Variants in TOM1L2 observed in about 807,000 individuals in gnomAD.
TOM1L2 encodes TOM1-like protein 2.
A neutral mutation model predicts 67.9 loss-of-function variants in TOM1L2; 31 were observed. That is an observed-to-expected ratio of 0.46 (90% confidence interval 0.34 to 0.62). The LOEUF is 0.62. TOM1L2 is among the 20% of genes least tolerant of loss of function. The pLI is 0.01. For missense variants in TOM1L2, 606 were observed against 663.5 expected (o/e 0.91, Z 0.95); for synonymous variants, 256 against 254.0 (o/e 1.01, Z -0.07).
intron 1 of TOM1L2, among the ~76,000 whole-genome samples, chr17:17,934,987 G>C (rs755991564): frequency 6.6e-6 from 1 of 152,206 alleles, no homozygotes; most frequent in East Asian, 1.9e-4. Context: ...AGCAATTAGA[G>C]TGGAACTCAG....
intron 4 of TOM1L2, among the ~76,000 whole-genome samples, chr17:17,885,583 T>C (rs987193320): frequency 1.3e-5 from 2 of 151,926 alleles, no homozygotes; most frequent in African/African-American, 4.8e-5. Context: ...AGAGCAAAAA[T>C]TCAAGTAGAT....
In TOM1L2 at chr17:17,848,089, G is replaced by A. The variant is rs192167760; in HGVS notation, c.1376-306C>T. Among the ~76,000 whole-genome samples, 52 of 152,092 alleles carry A rather than the reference G, an allele frequency of 3.4e-4. No homozygotes were observed. The Middle Eastern group carries it at 0.014, about 40-fold the overall frequency. On this transcript the variant is annotated intron_variant, in intron 14 of 14. Transcript: ENST00000379504. ...CAGATCAGCACTGGGGGTGGGGCAG[G>A]GTAAGCTGGAGGGGCCAGCTTCTGA...
In TOM1L2 at chr17:17,882,933, A is replaced by G. The variant is rs929425454; in HGVS notation, c.502-70T>C. The G allele has an allele frequency of 1.9e-6, 3 of 1,574,442 alleles. No individual in the cohort carries two copies. The South Asian group carries it at 3.5e-5, about 18-fold the overall frequency. ...CATAGCTGGACCTGGTACCTACCCC[A>G]CCCCATGCAGCACTTCCCCAAGGCT... is the stretch of plus-strand genomic sequence containing the variant. On this transcript the variant is annotated intron_variant, in intron 5 of 14. Transcript: ENST00000379504.
chr17:17,859,463 G>A (rs1415703358), intron 12 of TOM1L2: 1 of 152,258 alleles, frequency 6.6e-6, no homozygotes, highest in African/African-American at 2.4e-5. Context: ...AAGGTAACCT[G>A]AAATGCTGCA....
chr17:17,912,157 A>G (rs1050965885), intron 1 of TOM1L2, among the ~76,000 whole-genome samples: 5 of 152,208 alleles, frequency 3.3e-5, no homozygotes, highest in African/African-American at 9.6e-5. Flanking sequence ...CCGGTTCTCA[A>G]TGAGCCGCTG....
chr17:17,964,606 T>C (rs1265965003), intron 1 of TOM1L2, among the ~76,000 whole-genome samples: 1 of 152,078 alleles, frequency 6.6e-6, no homozygotes, highest in Non-Finnish European at 1.5e-5. Context: ...AAAAGCACAA[T>C]GAAAGGCTGG....
chr17:17,912,183 C>G (rs1348177622), intron 1 of TOM1L2, among the ~76,000 whole-genome samples: 1 of 152,170 alleles, frequency 6.6e-6, no homozygotes, highest in Non-Finnish European at 1.5e-5. Flanking sequence ...ACCTCCCAGA[C>G]GGGGTGGTGG....
Position 17,861,529 on chromosome 17 carries a change from C to A in TOM1L2, c.1225G>T (p.Ala409Ser). 1.2e-6 allele frequency: 2 copies of A among 1,614,096 alleles called. No individual in the cohort carries two copies. Among genetic ancestry groups the A allele is most frequent in the Non-Finnish European group, 1.7e-6 (2 of 1,180,008 alleles). ...RKTVTYEDPQAVGGLASALDN... is the reference protein window; with the variant it reads ...RKTVTYEDPQSVGGLASALDN... ...AGTGCAGAAGCAAGTCCTCCGACAG[C>A]CTGAGGATCCTCATAGGTTACCCTG... Residue 409 changes from alanine to serine, a missense_variant, in exon 12 of 15, where the codon GCT becomes TCT. This residue lies in a region of TOM1L2 where 543 missense variants were observed against 554.0 expected (regional missense o/e 0.98). Transcript: ENST00000379504.
intron 3 of TOM1L2, among the ~76,000 whole-genome samples, chr17:17,895,466 T>A (rs2038520669): frequency 6.6e-6 from 1 of 152,250 alleles, no homozygotes; most frequent in African/African-American, 2.4e-5. Context: ...AATGCGACTA[T>A]ATGCCAGGCA....
At chr17:17,899,783 G>A (rs868524407) in intron 2 of TOM1L2, among the ~76,000 whole-genome samples, 1 of 152,198 alleles carries the variant, frequency 6.6e-6, no homozygotes, top group Admixed American at 6.5e-5. Flanking sequence ...CAGCTTGCAC[G>A]TTTGTTAAGT....
intron 1 of TOM1L2, among the ~76,000 whole-genome samples, chr17:17,970,164 C>T (rs1267584260): frequency 1.3e-5 from 2 of 152,178 alleles, no homozygotes; most frequent in Non-Finnish European, 2.9e-5. Context: ...AAGCAATTCT[C>T]CTGCCTCAGC....
chr17:17,847,602 C>T lies in TOM1L2; in HGVS notation c.*33G>A. 2 of 1,576,722 alleles carry T rather than the reference C, an allele frequency of 1.3e-6. No homozygotes were observed. Among genetic ancestry groups the T allele is most frequent in the Middle Eastern group, 2.0e-4 (1 of 4,992 alleles). On this transcript the variant is annotated 3_prime_UTR_variant, in exon 15 of 15. Transcript: ENST00000379504. ...GGTGTCCACGGGGTGCGAGCGGGGA[C>T]CCGCCATCTGGGGAGGCAAACCACA...
intron 3 of TOM1L2, among the ~76,000 whole-genome samples, chr17:17,897,922 CTTTTTTT>C (rs35600233): frequency 2.2e-5 from 3 of 133,652 alleles, no homozygotes; most frequent in Non-Finnish European, 4.9e-5. Flanking sequence ...TGGAAGTTAA[CTTTTTTT>C]TTTTTTTTTT....
intron 12 of TOM1L2, chr17:17,859,194 G>C (rs2036419549): frequency 6.6e-6 from 1 of 152,168 alleles, no homozygotes; most frequent in African/African-American, 2.4e-5. Context: ...TCCTACCCCA[G>C]CCTCCTGAGT....
intron 12 of TOM1L2, among the ~76,000 whole-genome samples, chr17:17,854,573 G>A (rs1373104301): frequency 1.3e-5 from 2 of 152,014 alleles, no homozygotes; most frequent in Non-Finnish European, 1.5e-5. Flanking sequence ...TGCCCAGGCT[G>A]GTGTGCAGTG....
chr17:17,965,281 A>G lies in TOM1L2; in HGVS notation c.52+6981T>C, dbSNP rs372085622. Among the ~76,000 whole-genome samples, 65 of 152,178 alleles carry G rather than the reference A, an allele frequency of 4.3e-4. 2 individuals carry two copies. The South Asian group carries it at 0.013, about 31-fold the overall frequency. On this transcript the variant is annotated intron_variant, in intron 1 of 14. Coordinates refer to ENST00000379504, the MANE Select transcript of TOM1L2 (RefSeq NM_001082968.2). The stretch of plus-strand genomic sequence containing the variant: ...ATAGTTCAAACTACTTAGCCAACAT[A>G]TGAAGCAAGCCCTCCACACAATCAG...
At chr17:17,885,173 G>GC (rs1309003644) in intron 4 of TOM1L2, among the ~76,000 whole-genome samples, 1 of 152,266 alleles carries the variant, frequency 6.6e-6, no homozygotes, top group African/African-American at 2.4e-5. Flanking sequence ...TGCCCTCTGT[G>GC]CGGGAGCACC....
intron 4 of TOM1L2, among the ~76,000 whole-genome samples, chr17:17,885,059 C>T (rs1371911269): frequency 1.3e-5 from 2 of 152,230 alleles, no homozygotes; most frequent in Non-Finnish European, 2.9e-5. Context: ...CACGGTGGTG[C>T]ATCCTAAAAA....
intron 9 of TOM1L2, among the ~76,000 whole-genome samples, chr17:17,866,622 C>T (rs993061261): frequency 1.3e-5 from 2 of 152,216 alleles, no homozygotes; most frequent in South Asian, 2.1e-4. Context: ...GCCTCCTCCC[C>T]GTCCCCACTA....
Sources: gnomAD v4.1 joint callset for allele counts (sites outside exome capture counted in the v4.1 genomes callset) on GRCh38, gnomAD v4.1.1 for gene constraint, gnomAD v4.1.1 regional missense constraint, MANE v1.5 for transcripts, NCBI Gene and HGNC (gene_info 2026-07-23, HGNC 2026-07-21) for gene names.